Variants in PEX26 observed in about 807,000 individuals in gnomAD.
The protein encoded by PEX26 is peroxisomal biogenesis factor 26.
A neutral mutation model predicts 31.4 loss-of-function variants in PEX26; 18 were observed. The ratio of observed to expected loss-of-function variants is 0.57; its 90% confidence interval spans 0.40 to 0.85. The LOEUF (loss-of-function observed/expected upper bound fraction) is 0.85. Among genes scored for constraint, PEX26 ranks in the 40% least tolerant of loss-of-function variants. PEX26 has a pLI of 0.00. For synonymous variants in PEX26, 176 were observed against 166.9 expected (o/e 1.05, Z -0.42); for missense variants, 377 against 383.9 (o/e 0.98, Z 0.15).
intron 2 of PEX26, 56 bp from the exon 3 acceptor site, chr22:18,083,381 C>G: frequency 6.4e-7 from 1 of 1,556,064 alleles, no homozygotes; most frequent in Admixed American, 1.7e-5. Flanking sequence ...GGAAATGAAC[C>G]AATCATTGAG....
rs757110435 is a variant in PEX26, at chr22:18,079,831, G to A, written c.231-43G>A. On this transcript the variant is annotated intron_variant, in intron 1 of 4. Transcript: ENST00000399744. ...CAAGGTGGAGGTGGGAATGGAAATGGAGGGGAACCACTTCTAACTGAAATT... is the reference window on the plus strand; with the variant it reads ...CAAGGTGGAGGTGGGAATGGAAATGAAGGGGAACCACTTCTAACTGAAATT... 1.9e-6 allele frequency: 3 copies of A among 1,613,046 alleles called. No individual in the cohort carries two copies. In the East Asian group the frequency reaches 6.7e-5, roughly 36 times the overall value.
rs1927288087 is a variant in PEX26, at chr22:18,096,222, A to G, written c.*8147A>G. On this transcript the variant is annotated 3_prime_UTR_variant, in exon 5 of 5. Transcript: ENST00000399744. ...TGTGAGGATTAACTGGTGCTAATCCATGTAAAACACTGAAAAGGTGCATAG... is the reference window on the plus strand; with the variant it reads ...TGTGAGGATTAACTGGTGCTAATCCGTGTAAAACACTGAAAAGGTGCATAG... 6.6e-6 allele frequency: 1 copy of G among 152,194 alleles called. No homozygotes were observed. 9.4% of individuals were successfully genotyped at this position (152,194 alleles called of 1,614,324 possible). A position where few individuals can be genotyped will look rare whatever the true frequency, so the allele number is the denominator to read the frequency against.
rs1039032566 is a variant in PEX26, at chr22:18,093,290, G to C, written c.*5215G>C. On this transcript the variant is annotated 3_prime_UTR_variant, in exon 5 of 5. Transcript: ENST00000399744. ...TAAAGAAAAAAACCTGGCCGGGCGC[G>C]GTGGCTCACGCCTGTAATCCCAGCA... The C allele has an allele frequency of 7.2e-5, 11 of 152,108 alleles. No homozygotes were observed. The highest frequency in any genetic ancestry group is 7.2e-4 in the Admixed American group (11 of 15,262). 9.4% of individuals were successfully genotyped at this position (152,108 alleles called of 1,614,324 possible).
rs183054849 is a variant in PEX26, at chr22:18,090,357, G to T, written c.*2282G>T. ...GATGTGGGTCCCCTGTTGATTATAT[G>T]TGCGGCCTTCCAGCTGCCCACCATC... On this transcript the variant is annotated 3_prime_UTR_variant, in exon 5 of 5. Transcript: ENST00000399744. The T allele has an allele frequency of 2.6e-5, 4 of 152,398 alleles. No individual in the cohort carries two copies. In the South Asian group the frequency reaches 8.3e-4, roughly 32 times the overall value. The allele number at this position is 152,398 out of a possible 1,614,324, so 9.4% of individuals were successfully genotyped here. A position where few individuals can be genotyped will look rare whatever the true frequency, so the allele number is the denominator to read the frequency against.
At position 18,092,402 on chromosome 22, in the gene PEX26, C is replaced by G. The variant is rs1014551793; in HGVS notation, c.*4327C>G. ...AGACAGTGGGCACGGTGCCTAGCAG[C>G]CTGTCGCGCCCCCGCCCGCCTCTGC... On this transcript the variant is annotated 3_prime_UTR_variant, in exon 5 of 5. Transcript: ENST00000399744. 18 of 152,306 alleles carry G rather than the reference C, an allele frequency of 1.2e-4. No homozygotes were observed. The highest frequency in any genetic ancestry group is 3.6e-4 in the African/African-American group (15 of 41,470). 9.4% of individuals were successfully genotyped at this position (152,306 alleles called of 1,614,324 possible). A position where few individuals can be genotyped will look rare whatever the true frequency, so the allele number is the denominator to read the frequency against.
intron 2 of PEX26, among the ~76,000 whole-genome samples, chr22:18,083,232 A>G (rs561466543): frequency 1.3e-5 from 2 of 152,340 alleles, no homozygotes; most frequent in African/African-American, 2.4e-5. Flanking sequence ...CTTAGAGGAA[A>G]GGCTTTCAGC....
rs456551 is a variant in PEX26, at chr22:18,089,340, T to A, written c.*1265T>A. ...AATGGAACTGAGTAATCAGGTGAGCTGGAAGGGATGTGGGGGGCGGGGCAG... is the reference window on the plus strand; with the variant it reads ...AATGGAACTGAGTAATCAGGTGAGCAGGAAGGGATGTGGGGGGCGGGGCAG... On this transcript the variant is annotated 3_prime_UTR_variant, in exon 5 of 5. Coordinates refer to ENST00000399744, the MANE Select transcript of PEX26 (RefSeq NM_001127649.3). The A allele has an allele frequency of 0.52, 79,653 of 152,556 alleles. 22,296 individuals carry two copies. The highest frequency in any genetic ancestry group is 0.64 in the Non-Finnish European group (43,290 of 68,040). The allele number at this position is 152,556 out of a possible 1,614,324, so 9.5% of individuals were successfully genotyped here.
chr22:18,081,241 C>CAT (rs551011304), intron 2 of PEX26, among the ~76,000 whole-genome samples: 1 of 94,700 alleles, frequency 1.1e-5, no homozygotes, highest in African/African-American at 4.3e-5. Context: ...TATATGTACA[C>CAT]ATATACACAC....
rs1016378645 is a variant in PEX26 at position 18,104,961 on chromosome 22, T to C, written c.*16886T>C. 3 of 152,220 alleles carry C rather than the reference T, an allele frequency of 2.0e-5. No homozygotes were observed. The highest frequency in any genetic ancestry group is 4.4e-5 in the Non-Finnish European group (3 of 68,048). 9.4% of individuals were successfully genotyped at this position (152,220 alleles called of 1,614,324 possible). ...ACATGGGTGAATGTATGTAAGGTAC[T>C]TGGGGCTAACCAAAGTTAAATACAT... On this transcript the variant is annotated 3_prime_UTR_variant, in exon 5 of 5. Transcript: ENST00000399744.
In PEX26 at chr22:18,099,763, G is replaced by A. The variant is rs1350310712; in HGVS notation, c.*11688G>A. ...TCCTTCCTTGTTTCTTCCAGCTTCT[G>A]CTGGCTCTAAGTGTTCCCTGGCCTG... On this transcript the variant is annotated 3_prime_UTR_variant, in exon 5 of 5. Coordinates refer to ENST00000399744, the MANE Select transcript of PEX26 (RefSeq NM_001127649.3). 1 of 152,176 alleles carries A rather than the reference G, an allele frequency of 6.6e-6. No homozygotes were observed. Among genetic ancestry groups the A allele is most frequent in the Non-Finnish European group, 1.5e-5 (1 of 68,044 alleles). 9.4% of individuals were successfully genotyped at this position (152,176 alleles called of 1,614,324 possible).
chr22:18,100,631 G>GT lies in PEX26; in HGVS notation c.*12562dup, dbSNP rs1908828672. 1 of 152,140 alleles carries GT rather than the reference G, an allele frequency of 6.6e-6. No individual in the cohort carries two copies. Among genetic ancestry groups the GT allele is most frequent in the Non-Finnish European group, 1.5e-5 (1 of 68,022 alleles). The allele number at this position is 152,140 out of a possible 1,614,324, so 9.4% of individuals were successfully genotyped here. A position where few individuals can be genotyped will look rare whatever the true frequency, so the allele number is the denominator to read the frequency against. On this transcript the variant is annotated 3_prime_UTR_variant, in exon 5 of 5. Coordinates refer to ENST00000399744, the MANE Select transcript of PEX26 (RefSeq NM_001127649.3). ...TACACATTGGGAATTGAACAGCTAT[G>GT]TTTTTTCTTCTTTCTAGAGATGTGA...
rs1471027335 is a variant in PEX26 at position 18,092,519 on chromosome 22, A to G, written c.*4444A>G. ...CAAGTATTTTTCTTGTCTTAAAGCA[A>G]TGCATGTATATTTTAGAAAATATTA... On this transcript the variant is annotated 3_prime_UTR_variant, in exon 5 of 5. Transcript: ENST00000399744. 1.3e-5 allele frequency: 2 copies of G among 152,206 alleles called. No homozygotes were observed. The highest frequency in any genetic ancestry group is 2.9e-5 in the Non-Finnish European group (2 of 68,040). 9.4% of individuals were successfully genotyped at this position (152,206 alleles called of 1,614,324 possible).
At position 18,083,659 on chromosome 22, in the gene PEX26, C is replaced by T; in HGVS notation, c.594C>T (p.Ala198=). The change falls in exon 3 of 5, where the codon GCC becomes GCT. Residue 198 remains alanine (A), a synonymous_variant. Transcript: ENST00000399744. Reference sequence around the variant, plus strand: ...AGCGGCGACTGGATGTACTTCAGGCCATTCACACAGCGAGGCAGCAGCAGA... The same window carrying T: ...AGCGGCGACTGGATGTACTTCAGGCTATTCACACAGCGAGGCAGCAGCAGA... ...GEERRLDVLQ[A]IHTARQQQKQ... is the part of the protein sequence containing the mutation. 6.2e-7 allele frequency: 1 copy of T among 1,614,104 alleles called. No homozygotes were observed. The highest frequency in any genetic ancestry group is 8.5e-7 in the Non-Finnish European group (1 of 1,180,030).
Position 18,083,700 on chromosome 22 carries a change from G to T in PEX26, c.635G>T (p.Gly212Val), listed in dbSNP as rs769550692. 1.4e-4 allele frequency: 223 copies of T among 1,613,904 alleles called. No homozygotes were observed. The highest frequency in any genetic ancestry group is 1.8e-4 in the Non-Finnish European group (208 of 1,180,036). Reference sequence around the variant, plus strand: ...CAGCAGCAGAAACAGGAACACTCAGGCTCTGAGGAGGCCCAGAAGCCAAAC... The same window carrying T: ...CAGCAGCAGAAACAGGAACACTCAGTCTCTGAGGAGGCCCAGAAGCCAAAC... ...ARQQQKQEHS[G>V]SEEAQKPNLE... The change falls in exon 3 of 5, where the codon GGC (glycine) becomes GTC (valine). Residue 212 changes from glycine (G) to valine (V), a missense_variant. Coordinates refer to ENST00000399744, the MANE Select transcript of PEX26 (RefSeq NM_001127649.3).
chr22:18,092,749 G>A lies in PEX26; in HGVS notation c.*4674G>A, dbSNP rs1423096109. ...ATAATCCCAGCACTTTGGGAGGCCA[G>A]AGTGGGAGGATTGCTTGAGCCTAGG... On this transcript the variant is annotated 3_prime_UTR_variant, in exon 5 of 5. Coordinates refer to ENST00000399744, the MANE Select transcript of PEX26 (RefSeq NM_001127649.3). 8.1e-6 allele frequency: 1 copy of A among 123,230 alleles called. No individual in the cohort carries two copies. Among genetic ancestry groups the A allele is most frequent in the Non-Finnish European group, 1.6e-5 (1 of 62,444 alleles). The allele number at this position is 123,230 out of a possible 1,614,324, so 7.6% of individuals were successfully genotyped here.
At position 18,091,342 on chromosome 22, in the gene PEX26, A is replaced by AG. The variant is rs1927089563; in HGVS notation, c.*3267_*3268insG. On this transcript the variant is annotated 3_prime_UTR_variant, in exon 5 of 5. Transcript: ENST00000399744. ...TGTGCCACGTTTAAAAAGAAAAAAA[A>AG]CAATTCTCGGCTGGGCGCGGTGGCG... is the stretch of plus-strand genomic sequence containing the variant. 1 of 152,280 alleles carries AG rather than the reference A, an allele frequency of 6.6e-6. No homozygotes were observed. The highest frequency in any genetic ancestry group is 1.5e-5 in the Non-Finnish European group (1 of 68,080). 9.4% of individuals were successfully genotyped at this position (152,280 alleles called of 1,614,324 possible).
At chr22:18,084,022 C>T (rs1480007042) in intron 3 of PEX26, among the ~76,000 whole-genome samples, 2 of 152,182 alleles carry the variant, frequency 1.3e-5, no homozygotes, top group Non-Finnish European at 2.9e-5. Context: ...AGGTCTCTTG[C>T]TTCCACCATA....
chr22:18,078,093 T>C lies in PEX26; in HGVS notation c.-284T>C. On this transcript the variant is annotated 5_prime_UTR_variant, in exon 1 of 5. Coordinates refer to ENST00000399744, the MANE Select transcript of PEX26 (RefSeq NM_001127649.3). Reference sequence around the variant, plus strand: ...AGGAGCCCGGAGCTGAGGCAGTTCCTGCACGTGTCGCGGGGCCGGAGAAGC... The same window carrying C: ...AGGAGCCCGGAGCTGAGGCAGTTCCCGCACGTGTCGCGGGGCCGGAGAAGC... 1 of 600,474 alleles carries C rather than the reference T, an allele frequency of 1.7e-6. No homozygotes were observed. Among genetic ancestry groups the C allele is most frequent in the Non-Finnish European group, 3.1e-6 (1 of 320,562 alleles). 37.2% of individuals were successfully genotyped at this position (600,474 alleles called of 1,614,324 possible). A position where few individuals can be genotyped will look rare whatever the true frequency, so the allele number is the denominator to read the frequency against.
rs1335238432 is a variant in PEX26 at position 18,101,324 on chromosome 22, G to C, written c.*13249G>C. 6.6e-6 allele frequency: 1 copy of C among 152,056 alleles called. No individual in the cohort carries two copies. The highest frequency in any genetic ancestry group is 1.5e-5 in the Non-Finnish European group (1 of 68,032). The allele number at this position is 152,056 out of a possible 1,614,324, so 9.4% of individuals were successfully genotyped here. On this transcript the variant is annotated 3_prime_UTR_variant, in exon 5 of 5. Transcript: ENST00000399744. ...TCAGAAACCTCAAGATGGGTAGCTG[G>C]CTTGAGTAACATCCTAGATAATAGT...
Sources: gnomAD v4.1 joint callset for allele counts (sites outside exome capture counted in the v4.1 genomes callset) on GRCh38, gnomAD v4.1.1 for gene constraint, MANE v1.5 for transcripts, NCBI Gene and HGNC (gene_info 2026-07-23, HGNC 2026-07-21) for gene names.